The following ABHD12 variants were observed in gnomAD, a reference collection of about 807,000 sequenced individuals.
ABHD12 encodes the protein abhydrolase domain containing 12, lysophospholipase, also known as lysophosphatidylserine lipase ABHD12.
Under a neutral mutation model 58.3 loss-of-function variants are expected in ABHD12, and 43 were observed. The observed-to-expected ratio is 0.74, with a 90% CI of 0.58 to 0.95. The LOEUF is 0.95. Among genes scored for constraint, ABHD12 ranks in the 40% least tolerant of loss-of-function variants. ABHD12 has a pLI of 0.00. For missense variants in ABHD12, 539 were observed against 537.2 expected (o/e 1.00, Z -0.03); for synonymous variants, 219 against 211.2 (o/e 1.04, Z -0.32).
At chr20:25,355,057 A>G (rs572318387) in intron 1 of ABHD12, among the ~76,000 whole-genome samples, 1 of 152,298 alleles carries the variant, frequency 6.6e-6, no homozygotes, top group East Asian at 1.9e-4. Flanking sequence ...AAACAGGAAA[A>G]GTAAAGGTAC....
intron 1 of ABHD12, among the ~76,000 whole-genome samples, chr20:25,387,104 AG>A (rs1237073008): frequency 6.6e-6 from 1 of 152,206 alleles, no homozygotes; most frequent in Non-Finnish European, 1.5e-5. Context: ...GTGAGGGAGC[AG>A]GAACAAAAAC....
intron 1 of ABHD12, among the ~76,000 whole-genome samples, chr20:25,366,885 G>A (rs2089829424): frequency 6.6e-6 from 1 of 152,146 alleles, no homozygotes; most frequent in Admixed American, 6.5e-5. Flanking sequence ...CCTGAGCTGA[G>A]CACTGTAGCA....
chr20:25,320,151 A>G (rs1265751406), intron 4 of ABHD12, 48 bp downstream of exon 4: 1 of 1,610,664 alleles, frequency 6.2e-7, no homozygotes, highest in African/African-American at 1.3e-5. Flanking sequence ...TCCCACCCCA[A>G]AAAGGAGCCA....
intron 1 of ABHD12, among the ~76,000 whole-genome samples, chr20:25,387,726 C>A (rs1427265069): frequency 1.3e-5 from 2 of 151,596 alleles, no homozygotes; most frequent in Non-Finnish European, 2.9e-5. Context: ...GGTGACGGAA[C>A]TTTCTTAAAA....
At chr20:25,303,506 T>A (rs757488682) in intron 11 of ABHD12, 44 bp downstream of exon 11, 1 of 1,607,592 alleles carries the variant, frequency 6.2e-7, no homozygotes, top group South Asian at 1.1e-5. Flanking sequence ...ACTGGCTGAG[T>A]GTGCAAGATG....
intron 1 of ABHD12, among the ~76,000 whole-genome samples, chr20:25,370,508 G>C (rs146822892): frequency 1.3e-5 from 2 of 152,188 alleles, no homozygotes; most frequent in Non-Finnish European, 1.5e-5. Context: ...TTTCTCTCAA[G>C]TGACACTGGC....
At chr20:25,308,117 AGGG>A in intron 8 of ABHD12, 72 bp from the exon 9 acceptor site, 1 of 1,084,068 alleles carries the variant, frequency 9.2e-7, no homozygotes, top group Non-Finnish European at 1.4e-6. Flanking sequence ...TGGGGCTCTG[AGGG>A]GCCCCCAGAA....
At chr20:25,360,602 T>C (rs2089733492) in intron 1 of ABHD12, among the ~76,000 whole-genome samples, 1 of 152,130 alleles carries the variant, frequency 6.6e-6, no homozygotes, top group South Asian at 2.1e-4. Flanking sequence ...CCTCTTAAAA[T>C]GCCACTAAAA....
At chr20:25,309,094 A>G (rs2088800961) in intron 7 of ABHD12, among the ~76,000 whole-genome samples, 2 of 152,148 alleles carry the variant, frequency 1.3e-5, no homozygotes. Flanking sequence ...GCTGCCCACA[A>G]AGGGAGTGTG....
At chr20:25,321,703 G>A (rs2089069446) in intron 3 of ABHD12, among the ~76,000 whole-genome samples, 1 of 152,186 alleles carries the variant, frequency 6.6e-6, no homozygotes, top group African/African-American at 2.4e-5. Context: ...CCTGCAATAG[G>A]ACAGACTCAT....
chr20:25,330,583 A>G (rs2089255764), intron 2 of ABHD12, among the ~76,000 whole-genome samples: 1 of 152,186 alleles, frequency 6.6e-6, no homozygotes, highest in Non-Finnish European at 1.5e-5. Context: ...CTCTGAAGAG[A>G]GCGGTGGTTC....
rs539332345 is a variant in ABHD12 at position 25,317,719 on chromosome 20, G to A, written c.543-641C>T. Among the ~76,000 whole-genome samples the A allele has an allele frequency of 5.3e-5, 8 of 152,306 alleles. No homozygotes were observed. The East Asian group carries it at 7.7e-4, about 15-fold the overall frequency. ...CCTCACAGCCAACTACAGCTTCACC[G>A]TGCATGTCGCTACTGAGACTAAGTG... is the stretch of plus-strand genomic sequence containing the variant. On this transcript the variant is annotated intron_variant, in intron 4 of 12. Coordinates refer to ENST00000339157, the MANE Select transcript of ABHD12 (RefSeq NM_001042472.3).
downstream of ABHD12, chr20:25,296,856 G>A (rs2088554999): frequency 3.4e-6 from 1 of 294,702 alleles, no homozygotes; most frequent in African/African-American, 2.2e-5. Context: ...ATCTTGCTAT[G>A]TATTAGCCGA....
intron 1 of ABHD12, among the ~76,000 whole-genome samples, chr20:25,383,975 GAAAA>G (rs1245206824): frequency 0.033 from 2,738 of 82,192 alleles, 92 homozygotes; most frequent in African/African-American, 0.12. Flanking sequence ...AAAAAAAAAA[GAAAA>G]AAAAGAAAAA....
chr20:25,380,511 C>T (rs2090010133), intron 1 of ABHD12, among the ~76,000 whole-genome samples: 2 of 152,070 alleles, frequency 1.3e-5, no homozygotes, highest in Non-Finnish European at 2.9e-5. Context: ...TACTGCACAG[C>T]TCCCTGGAAA....
chr20:25,368,346 T>C (rs2089852306), intron 1 of ABHD12: 7 of 1,548,396 alleles, frequency 4.5e-6, no homozygotes, highest in East Asian at 2.2e-5. Context: ...CAGCGCTCCA[T>C]GGCCTCCACA....
intron 1 of ABHD12, among the ~76,000 whole-genome samples, chr20:25,358,703 G>C (rs187802861): frequency 6.6e-6 from 1 of 152,076 alleles, no homozygotes; most frequent in East Asian, 1.9e-4. Flanking sequence ...GAGTGCATAG[G>C]GTGGCACTCC....
At position 25,390,234 on chromosome 20, in the gene ABHD12, G is replaced by A. The variant is rs977052483; in HGVS notation, c.191+279C>T. ...CCGGCTTCCCCGGGAAAGGGTCGGG[G>A]TGCAAGGCTAGGCCAGGAGTGCCTG... On this transcript the variant is annotated intron_variant, in intron 1 of 12. Transcript: ENST00000339157. The A allele has an allele frequency of 8.3e-5, 27 of 326,436 alleles. No homozygotes were observed. The East Asian group carries it at 1.3e-3, about 16-fold the overall frequency. The allele number at this position is 326,436 out of a possible 1,614,324, so 20.2% of individuals were successfully genotyped here.
In ABHD12 at chr20:25,356,415, A is replaced by G. The variant is rs182155674; in HGVS notation, c.192-17064T>C. On this transcript the variant is annotated intron_variant, in intron 1 of 12. Coordinates refer to ENST00000339157, the MANE Select transcript of ABHD12 (RefSeq NM_001042472.3). Reference sequence around the variant, plus strand: ...GCTTTCCCAGGCGCTGCTCTTGCACACTTTCCTTGCAGGGTGCAGGTCCCT... The same window carrying G: ...GCTTTCCCAGGCGCTGCTCTTGCACGCTTTCCTTGCAGGGTGCAGGTCCCT... Among the ~76,000 whole-genome samples the G allele has an allele frequency of 1.8e-4, 27 of 152,354 alleles. No individual in the cohort carries two copies. In the East Asian group the frequency reaches 5.2e-3, roughly 29 times the overall value.
Sources: gnomAD v4.1 joint callset for allele counts (sites outside exome capture counted in the v4.1 genomes callset) on GRCh38, gnomAD v4.1.1 for gene constraint, MANE v1.5 for transcripts, NCBI Gene and HGNC (gene_info 2026-07-23, HGNC 2026-07-21) for gene names.